KCNIP4: variants seen among roughly 807,000 people sequenced by gnomAD.
The protein encoded by KCNIP4 is Kv channel-interacting protein 4.
Under a neutral mutation model 34.0 loss-of-function variants are expected in KCNIP4, and 12 were observed. That is an observed-to-expected ratio of 0.35 (90% CI 0.23 to 0.57). The LOEUF (loss-of-function observed/expected upper bound fraction) is 0.57, where lower values mean the gene tolerates loss of function less well. KCNIP4 is among the 20% of genes least tolerant of loss of function. KCNIP4 has a pLI of 0.83. For missense variants in KCNIP4, 238 were observed against 311.7 expected (o/e 0.76, Z 1.78); for synonymous variants, 124 against 102.2 (o/e 1.21, Z -1.29).
At chr4:21,844,689 A>T (rs1723898237) in intron 1 of KCNIP4, 1 of 152,056 alleles carries the variant, frequency 6.6e-6, no homozygotes, top group South Asian at 2.1e-4. Context: ...TTTTAAGAAA[A>T]CCTCATTCCA....
chr4:21,811,999 G>A (rs1721686042), intron 1 of KCNIP4, among the ~76,000 whole-genome samples: 1 of 152,154 alleles, frequency 6.6e-6, no homozygotes, highest in Non-Finnish European at 1.5e-5. Flanking sequence ...ATAAAGTTAA[G>A]CTGAAATATT....
intron 1 of KCNIP4, among the ~76,000 whole-genome samples, chr4:21,911,653 C>CAG (rs1428463258): frequency 0.011 from 1,493 of 134,604 alleles, 20 homozygotes; most frequent in Non-Finnish European, 0.016. Flanking sequence ...CACACACACA[C>CAG]ACAGAGTCTG....
intron 1 of KCNIP4, among the ~76,000 whole-genome samples, chr4:21,841,992 T>C (rs1723713724): frequency 6.6e-6 from 1 of 152,112 alleles, no homozygotes; most frequent in African/African-American, 2.4e-5. Flanking sequence ...GCTCCTCCTT[T>C]TTAGGAACCC....
At chr4:20,929,332 C>T (rs1399707183) in intron 1 of KCNIP4, among the ~76,000 whole-genome samples, 1 of 151,892 alleles carries the variant, frequency 6.6e-6, no homozygotes, top group Non-Finnish European at 1.5e-5. Flanking sequence ...GTTCAGCATC[C>T]TTTCCTGATA....
intron 1 of KCNIP4, among the ~76,000 whole-genome samples, chr4:21,819,819 G>C (rs1201518065): frequency 6.6e-6 from 1 of 152,058 alleles, no homozygotes; most frequent in Non-Finnish European, 1.5e-5. Context: ...AGGTTTGAGA[G>C]ACACTTACTT....
At chr4:21,886,268 G>A (rs1726758603) in intron 1 of KCNIP4, among the ~76,000 whole-genome samples, 1 of 151,994 alleles carries the variant, frequency 6.6e-6, no homozygotes, top group Non-Finnish European at 1.5e-5. Flanking sequence ...ATTCATTGAG[G>A]GTGAAATTAA....
chr4:21,120,428 G>C (rs1383510645), intron 1 of KCNIP4, among the ~76,000 whole-genome samples: 1 of 152,138 alleles, frequency 6.6e-6, no homozygotes, highest in Non-Finnish European at 1.5e-5. Flanking sequence ...GTATTAGTCT[G>C]TTCTCACACT....
rs80072217 is a variant in KCNIP4 at position 20,906,784 on chromosome 4, C to T, written c.62-24075G>A. The stretch of plus-strand genomic sequence containing the variant: ...CTTCCATTCCAGCTTTAGACCCTTG[C>T]CATTGCATATTGTAGTGAGACTTCA... On this transcript the variant is annotated intron_variant, in intron 1 of 8. Coordinates refer to ENST00000382152, the MANE Select transcript of KCNIP4 (RefSeq NM_025221.6). Among the ~76,000 whole-genome samples, 401 of 152,228 alleles carry T rather than the reference C, an allele frequency of 2.6e-3. 6 individuals are homozygous for T. The highest frequency in any genetic ancestry group is 9.3e-3 in the African/African-American group (388 of 41,520).
chr4:21,290,760 G>A (rs905025961), intron 1 of KCNIP4, among the ~76,000 whole-genome samples: 1 of 152,160 alleles, frequency 6.6e-6, no homozygotes, highest in Non-Finnish European at 1.5e-5. Flanking sequence ...GGACCTAAAA[G>A]AGGCAGCCAG....
chr4:21,213,570 G>C (rs1023086844), intron 1 of KCNIP4, among the ~76,000 whole-genome samples: 1 of 152,092 alleles, frequency 6.6e-6, no homozygotes, highest in African/African-American at 2.4e-5. Context: ...CCAAAGTGCT[G>C]TGATTACAGG....
chr4:21,285,405 A>G (rs537982847), intron 1 of KCNIP4, among the ~76,000 whole-genome samples: 1 of 152,344 alleles, frequency 6.6e-6, no homozygotes, highest in Admixed American at 6.5e-5. Flanking sequence ...TTTCTGAAGA[A>G]TTGTTATATA....
In KCNIP4 at chr4:21,226,698, C is replaced by T. The variant is rs187957178; in HGVS notation, c.62-343989G>A. Among the ~76,000 whole-genome samples, 331 of 152,238 alleles carry T rather than the reference C, an allele frequency of 2.2e-3. 1 individual carries two copies. Among genetic ancestry groups the T allele is most frequent in the African/African-American group, 7.8e-3 (324 of 41,542 alleles). The stretch of plus-strand genomic sequence containing the variant: ...TGGATACTTTTTCCACAACAATCTA[C>T]TGGTTTCAGGGCCTGGGAGAATGTG... On this transcript the variant is annotated intron_variant, in intron 1 of 8. Transcript: ENST00000382152.
chr4:21,670,297 C>A (rs1577805566), intron 1 of KCNIP4, among the ~76,000 whole-genome samples: 1 of 151,654 alleles, frequency 6.6e-6, no homozygotes, highest in South Asian at 2.1e-4. Flanking sequence ...TGGAAATCAT[C>A]ATTCTCAGTA....
intron 1 of KCNIP4, among the ~76,000 whole-genome samples, chr4:21,711,050 T>G (rs1032532595): frequency 6.6e-6 from 1 of 152,210 alleles, no homozygotes; most frequent in African/African-American, 2.4e-5. Flanking sequence ...TAAAGCAAGT[T>G]AAGAAGATAT....
intron 1 of KCNIP4, among the ~76,000 whole-genome samples, chr4:21,531,347 C>T (rs369815888): frequency 6.1e-5 from 1 of 16,356 alleles, no homozygotes; most frequent in East Asian, 7.1e-3. Flanking sequence ...CTTCCCCTCC[C>T]CCTCCCTCCC....
intron 1 of KCNIP4, among the ~76,000 whole-genome samples, chr4:21,811,072 G>A (rs1325461409): frequency 6.6e-6 from 1 of 152,152 alleles, no homozygotes; most frequent in Non-Finnish European, 1.5e-5. Flanking sequence ...AACTAACAGA[G>A]AAAGACATTT....
intron 1 of KCNIP4, among the ~76,000 whole-genome samples, chr4:21,190,504 GGT>G (rs1479818953): frequency 2.8e-5 from 4 of 143,972 alleles, no homozygotes; most frequent in African/African-American, 8.7e-5. Context: ...TTTGCGAGTG[GGT>G]GGGGGGGGGC....
intron 1 of KCNIP4, among the ~76,000 whole-genome samples, chr4:20,896,181 G>A (rs537031441): frequency 1.3e-5 from 2 of 152,130 alleles, no homozygotes; most frequent in Non-Finnish European, 2.9e-5. Flanking sequence ...CGGTTTGCCA[G>A]TTTCCTCTGT....
intron 1 of KCNIP4, among the ~76,000 whole-genome samples, chr4:21,331,535 T>C (rs1049523829): frequency 6.6e-6 from 1 of 152,156 alleles, no homozygotes; most frequent in East Asian, 1.9e-4. Flanking sequence ...GTAAATTGTA[T>C]TGAGTAAGCA....
Sources: gnomAD v4.1 joint callset for allele counts (sites outside exome capture counted in the v4.1 genomes callset) on GRCh38, gnomAD v4.1.1 for gene constraint, MANE v1.5 for transcripts, NCBI Gene and HGNC (gene_info 2026-07-23, HGNC 2026-07-21) for gene names.